Variants in FOXN2 observed in about 807,000 individuals in gnomAD.
FOXN2 encodes forkhead box protein N2.
FOXN2 carries 19 observed loss-of-function variants against 41.2 expected under a neutral mutation model. The ratio of observed to expected loss-of-function variants is 0.46; its 90% CI spans 0.32 to 0.68. The LOEUF (loss-of-function observed/expected upper bound fraction) is 0.68. Among genes scored for constraint, FOXN2 ranks in the 30% least tolerant of loss-of-function variants. The probability of loss-of-function intolerance (pLI) is 0.03; values close to 1 mark genes in which losing one functional copy is unlikely to be tolerated. For synonymous variants in FOXN2, 195 were observed against 176.8 expected, an observed-to-expected ratio of 1.10 and a Z score of -0.82; for missense variants, 587 against 509.4, an observed-to-expected ratio of 1.15 and a Z score of -1.47.
chr2:48,325,771 C>G (rs965734028), intron 1 of FOXN2, among the ~76,000 whole-genome samples: 1 of 150,590 alleles, frequency 6.6e-6, no homozygotes, highest in African/African-American at 2.4e-5. Flanking sequence ...TCAAAAGGTT[C>G]GAGTACTATG....
Position 48,374,917 on chromosome 2 carries a change from C to T in FOXN2, c.773-3C>T. ...CTATTGATGGAACTTTTATTTTCCA[C>T]AGGTGAGAAGCCTCTTCCTCTTAAA... is the stretch of plus-strand genomic sequence containing the variant. On this transcript the variant is annotated splice_polypyrimidine_tract_variant and splice_region_variant and intron_variant, in intron 6 of 6. Transcript: ENST00000340553. 1 of 1,592,104 alleles carries T rather than the reference C, an allele frequency of 6.3e-7. No homozygotes were observed. The highest frequency in any genetic ancestry group is 2.2e-5 in the East Asian group (1 of 44,594).
In FOXN2 at chr2:48,375,486, C is replaced by T. The variant is rs781656701; in HGVS notation, c.*43C>T. On this transcript the variant is annotated 3_prime_UTR_variant, in exon 7 of 7. Transcript: ENST00000340553. ...CAATACTCTTTCACTTAATTCTTTA[C>T]AAGGGATATCAAAGCCATAATGGAC... The T allele has an allele frequency of 7.4e-5, 112 of 1,504,270 alleles. No individual in the cohort carries two copies. In the South Asian group the frequency reaches 1.4e-3, roughly 19 times the overall value. 93.2% of individuals were successfully genotyped at this position (1,504,270 alleles called of 1,614,324 possible).
At chr2:48,340,861 A>C (rs924851516) in intron 2 of FOXN2, 5 of 152,176 alleles carry the variant, frequency 3.3e-5, no homozygotes, top group African/African-American at 1.2e-4. Context: ...CCTCGTGAAT[A>C]ATTTTTTTTC....
Position 48,375,423 on chromosome 2 carries a change from C to G in FOXN2, c.1276C>G (p.Gln426Glu). The G allele has an allele frequency of 6.2e-7, 1 of 1,605,454 alleles. No homozygotes were observed. The highest frequency in any genetic ancestry group is 1.1e-5 in the South Asian group (1 of 90,604). Residue 426 changes from glutamine (Q) to glutamate (E), a missense_variant, in exon 7 of 7, where the codon CAA becomes GAA. Transcript: ENST00000340553. ...SLISTAKTQN[Q>E]KQRKK Reference sequence around the variant, plus strand: ...AATAAGTACTGCAAAGACACAAAATCAAAAGCAACGGAAAAAATAGAAATA... The same window carrying G: ...AATAAGTACTGCAAAGACACAAAATGAAAAGCAACGGAAAAAATAGAAATA...
At chr2:48,346,099 T>G in intron 2 of FOXN2, 102 bp from the exon 3 acceptor site, 1 of 985,824 alleles carries the variant, frequency 1.0e-6, no homozygotes, top group East Asian at 2.4e-5. Context: ...GACAATTGAT[T>G]GCAAAATTTC....
In FOXN2 at chr2:48,346,756, G is replaced by C. The variant is rs79073127; in HGVS notation, c.537+5G>C. On this transcript the variant is annotated splice_donor_5th_base_variant and intron_variant, in intron 3 of 6. Coordinates refer to ENST00000340553, the MANE Select transcript of FOXN2 (RefSeq NM_002158.4). ...GTGGAAAGAAGCCATGGCAAGGTCAGTGTTTATGAACATTGCTATATTTGG... is the reference window on the plus strand; with the variant it reads ...GTGGAAAGAAGCCATGGCAAGGTCACTGTTTATGAACATTGCTATATTTGG... 0.11 allele frequency: 165,173 copies of C among 1,568,974 alleles called. 9,596 individuals are homozygous for C. Among genetic ancestry groups the C allele is most frequent in the Non-Finnish European group, 0.12 (140,259 of 1,162,776 alleles).
chr2:48,346,649 T>C lies in FOXN2; in HGVS notation c.435T>C (p.His145=). ...VKEIYSWILD[H]FPYFATAPTG... ...AAATTTATAGCTGGATTCTGGACCA[T>C]TTTCCATATTTTGCTACTGCACCAA... Residue 145 remains histidine, a synonymous_variant, in exon 3 of 7, where the codon CAT becomes CAC. Coordinates refer to ENST00000340553, the MANE Select transcript of FOXN2 (RefSeq NM_002158.4). The C allele has an allele frequency of 6.2e-7, 1 of 1,614,116 alleles. No homozygotes were observed. Among genetic ancestry groups the C allele is most frequent in the Non-Finnish European group, 8.5e-7 (1 of 1,179,968 alleles).
chr2:48,339,266 TAATTGTAATCCG>T lies in FOXN2; in HGVS notation c.-14-6923_-14-6912del, dbSNP rs1400327909. On this transcript the variant is annotated intron_variant, in intron 2 of 6. Transcript: ENST00000340553. ...TGAGTCCCCACCCAGATCTCATCTT[TAATTGTAATCCG>T]AATTGTAATCCCCAAGTGTTGAGAA... Among the ~76,000 whole-genome samples, 3 of 152,188 alleles carry T rather than the reference TAATTGTAATCCG, an allele frequency of 2.0e-5. No homozygotes were observed. In the East Asian group the frequency reaches 5.8e-4, roughly 29 times the overall value.
intron 2 of FOXN2, among the ~76,000 whole-genome samples, chr2:48,342,481 A>G (rs980386729): frequency 3.3e-5 from 5 of 152,134 alleles, no homozygotes; most frequent in Admixed American, 3.3e-4. Context: ...ATTTTTAATA[A>G]TTCGTGATAC....
At chr2:48,319,917 C>G (rs1191192086) in intron 1 of FOXN2, among the ~76,000 whole-genome samples, 3 of 150,688 alleles carry the variant, frequency 2.0e-5, no homozygotes, top group Admixed American at 6.6e-5. Context: ...TAGGCATGAG[C>G]CACCTCACCT....
At chr2:48,360,888 C>G (rs1333406005) in intron 4 of FOXN2, among the ~76,000 whole-genome samples, 1 of 150,610 alleles carries the variant, frequency 6.6e-6, no homozygotes, top group East Asian at 1.9e-4. Flanking sequence ...GTAGTGCACG[C>G]CTGTGGTCCC....
At chr2:48,314,038 AAC>A (rs1668712402), upstream of FOXN2, among the ~76,000 whole-genome samples, 1 of 152,248 alleles carries the variant, frequency 6.6e-6, no homozygotes, top group South Asian at 2.1e-4. Context: ...CCCTACTGCA[AAC>A]ACAGTGACTT....
intron 4 of FOXN2, 92 bp downstream of exon 4, chr2:48,359,239 G>C: frequency 2.3e-6 from 2 of 862,116 alleles, no homozygotes; most frequent in Non-Finnish European, 3.7e-6. Context: ...TTATGTTTCT[G>C]TTTTATTGTA....
intron 1 of FOXN2, among the ~76,000 whole-genome samples, chr2:48,324,331 A>G (rs904531979): frequency 6.6e-6 from 1 of 151,632 alleles, no homozygotes; most frequent in Admixed American, 6.6e-5. Flanking sequence ...AGTAGCTGGG[A>G]TTACAGGCAC....
rs565964395 is a variant in FOXN2, at chr2:48,319,049, G to C, written c.-157+4235G>C. On this transcript the variant is annotated intron_variant, in intron 1 of 6. Coordinates refer to ENST00000340553, the MANE Select transcript of FOXN2 (RefSeq NM_002158.4). Reference sequence around the variant, plus strand: ...AAATCCCTGGGATAGTTTAATTACTGTTAACTATCTTCCTATCTTAAAAAT... The same window carrying C: ...AAATCCCTGGGATAGTTTAATTACTCTTAACTATCTTCCTATCTTAAAAAT... 3.3e-5 allele frequency among the ~76,000 whole-genome samples: 5 copies of C among 152,168 alleles called. 1 individual carries two copies. Among genetic ancestry groups the C allele is most frequent in the African/African-American group, 9.6e-5 (4 of 41,532 alleles).
chr2:48,343,958 A>T (rs1479736590), intron 2 of FOXN2, among the ~76,000 whole-genome samples: 1 of 152,186 alleles, frequency 6.6e-6, no homozygotes, highest in Non-Finnish European at 1.5e-5. Flanking sequence ...GATGTAATGG[A>T]AGATAGATGG....
intron 1 of FOXN2, among the ~76,000 whole-genome samples, chr2:48,320,008 G>C (rs1175992256): frequency 1.3e-5 from 2 of 151,666 alleles, no homozygotes; most frequent in Non-Finnish European, 2.9e-5. Flanking sequence ...TGGAGATAGA[G>C]AATTGAGGAA....
At chr2:48,334,642 A>G (rs1225430705) in intron 2 of FOXN2, among the ~76,000 whole-genome samples, 1 of 152,152 alleles carries the variant, frequency 6.6e-6, no homozygotes, top group African/African-American at 2.4e-5. Context: ...CTGAATTCTG[A>G]ATCTGGCTAT....
At chr2:48,344,202 C>T (rs1298779257) in intron 2 of FOXN2, among the ~76,000 whole-genome samples, 1 of 152,112 alleles carries the variant, frequency 6.6e-6, no homozygotes, top group East Asian at 1.9e-4. Context: ...ATTGTGTGCT[C>T]ATATATGTGA....
Sources: allele counts gnomAD v4.1 joint callset (sites outside exome capture counted in the v4.1 genomes callset), GRCh38; gene constraint gnomAD v4.1.1; transcripts MANE v1.5; gene names NCBI Gene and HGNC (gene_info 2026-07-23, HGNC 2026-07-21).